Variants in B4GALNT3 observed in about 807,000 individuals in gnomAD.
B4GALNT3 encodes beta-1,4-N-acetyl-galactosaminyltransferase 3.
A neutral mutation model predicts 120.2 loss-of-function variants in B4GALNT3; 86 were observed. That is an observed-to-expected ratio of 0.72 (90% CI 0.60 to 0.86). The LOEUF (loss-of-function observed/expected upper bound fraction) is 0.86. Among genes scored for constraint, B4GALNT3 ranks in the 40% least tolerant of loss-of-function variants. B4GALNT3 has a pLI of 0.00. For missense variants in B4GALNT3, 1,167 were observed against 1,298.9 expected (o/e 0.90, Z 1.56); for synonymous variants, 518 against 510.4 (o/e 1.01, Z -0.20).
In B4GALNT3 at chr12:556,592, C is replaced by T; in HGVS notation, c.2106C>T (p.Asp702=). 1.2e-6 allele frequency: 2 copies of T among 1,614,020 alleles called. No individual in the cohort carries two copies. Among genetic ancestry groups the T allele is most frequent in the Non-Finnish European group, 1.7e-6 (2 of 1,180,008 alleles). ...QRIVNVEKRQ[D]QLRGGRYLLE... The stretch of plus-strand genomic sequence containing the variant: ...TTGTGAACGTGGAAAAGCGTCAGGA[C>T]CAGCTACGTGGGGGTCGCTACCTCC... The change falls in exon 15 of 20, where the codon GAC becomes GAT. Residue 702 remains aspartate, a synonymous_variant. Transcript: ENST00000266383.
rs112784425 is a variant in B4GALNT3 at position 480,825 on chromosome 12, C to T, written c.169+20280C>T. On this transcript the variant is annotated intron_variant, in intron 1 of 19. Coordinates refer to ENST00000266383, the MANE Select transcript of B4GALNT3 (RefSeq NM_173593.4). ...TCTGGGGAGCCTTTGGCGGGAGAGG[C>T]GCAGGGACTTGGGGGCACTTCCCCA... Among the ~76,000 whole-genome samples the T allele has an allele frequency of 5.1e-3, 775 of 152,244 alleles. 7 individuals carry two copies. The highest frequency in any genetic ancestry group is 0.017 in the African/African-American group (723 of 41,536).
chr12:536,117 C>A, intron 2 of B4GALNT3, 101 bp from the exon 3 acceptor site: 1 of 903,128 alleles, frequency 1.1e-6, no homozygotes, highest in Non-Finnish European at 1.8e-6. Context: ...GCAGCGTGCT[C>A]CGAGCCGACG....
chr12:557,497 C>G (rs2120743104), intron 15 of B4GALNT3, 111 bp from the exon 16 acceptor site: 1 of 1,101,210 alleles, frequency 9.1e-7, no homozygotes, highest in East Asian at 2.4e-5. Flanking sequence ...GTCCCCTCAG[C>G]CGAGGTCCGA....
At chr12:546,501 C>T in intron 6 of B4GALNT3, 145 bp from the exon 7 acceptor site, 1 of 764,050 alleles carries the variant, frequency 1.3e-6, no homozygotes, top group South Asian at 1.7e-5. Context: ...TCTGTTTTCT[C>T]TCCTACCTCT....
intron 1 of B4GALNT3, among the ~76,000 whole-genome samples, chr12:523,905 C>CA (rs1946736829): frequency 6.6e-6 from 1 of 151,974 alleles, no homozygotes; most frequent in African/African-American, 2.4e-5. Context: ...ACTAAAAACA[C>CA]AAAAAATTAG....
chr12:543,628 T>C, intron 3 of B4GALNT3, among the ~76,000 whole-genome samples: 1 of 84,244 alleles, frequency 1.2e-5, no homozygotes, highest in South Asian at 4.8e-4. Flanking sequence ...GGGCATGGGG[T>C]GCTCATCTTC....
At chr12:544,508 T>TC in intron 4 of B4GALNT3, 74 bp downstream of exon 4, 1 of 1,323,986 alleles carries the variant, frequency 7.6e-7, no homozygotes, top group African/African-American at 1.4e-5. Context: ...CTCTCATCTT[T>TC]CCTTACATCT....
At chr12:502,575 G>A (rs1946455734) in intron 1 of B4GALNT3, among the ~76,000 whole-genome samples, 1 of 151,966 alleles carries the variant, frequency 6.6e-6, no homozygotes, top group Admixed American at 6.6e-5. Flanking sequence ...AAGATGAAAT[G>A]TTAAGAGAAA....
chr12:463,548 G>C (rs1946045945), intron 1 of B4GALNT3, among the ~76,000 whole-genome samples: 1 of 152,124 alleles, frequency 6.6e-6, no homozygotes, highest in Admixed American at 6.6e-5. Flanking sequence ...AGCATCTACA[G>C]CTTCATTTAG....
intron 1 of B4GALNT3, among the ~76,000 whole-genome samples, chr12:507,876 G>C (rs1946513616): frequency 6.6e-6 from 1 of 151,596 alleles, no homozygotes; most frequent in African/African-American, 2.4e-5. Context: ...TAGTACCTTG[G>C]TGGACACCTG....
intron 1 of B4GALNT3, among the ~76,000 whole-genome samples, chr12:488,247 A>G (rs576211977): frequency 6.6e-6 from 1 of 152,330 alleles, no homozygotes; most frequent in East Asian, 1.9e-4. Flanking sequence ...ACAAAAATTG[A>G]GGGAATTTGT....
At position 519,942 on chromosome 12, in the gene B4GALNT3, A is replaced by G. The variant is rs554915991; in HGVS notation, c.170-15224A>G. On this transcript the variant is annotated intron_variant, in intron 1 of 19. Transcript: ENST00000266383. ...GTCCCTTTCATATTCTCAGCTTTCT[A>G]CCCTCTTGTTATGTCCTCTGTGTAG... Among the ~76,000 whole-genome samples, 10 of 152,004 alleles carry G rather than the reference A, an allele frequency of 6.6e-5. No individual in the cohort carries two copies. In the South Asian group the frequency reaches 1.9e-3, roughly 28 times the overall value.
intron 1 of B4GALNT3, among the ~76,000 whole-genome samples, chr12:512,442 TC>T (rs1592033304): frequency 2.4e-5 from 3 of 123,514 alleles, no homozygotes; most frequent in South Asian, 2.9e-4. Flanking sequence ...CCTTCCATCT[TC>T]CTTCCACCTT....
At chr12:519,034 A>G (rs1946682953) in intron 1 of B4GALNT3, among the ~76,000 whole-genome samples, 1 of 152,178 alleles carries the variant, frequency 6.6e-6, no homozygotes, top group South Asian at 2.1e-4. Context: ...TCGTGCAACC[A>G]TCAGAATTCT....
intron 3 of B4GALNT3, among the ~76,000 whole-genome samples, chr12:539,021 G>A (rs1252338664): frequency 2.0e-5 from 3 of 152,332 alleles, no homozygotes; most frequent in African/African-American, 4.8e-5. Flanking sequence ...TTAGTGCAGG[G>A]CCCTGCTAAA....
chr12:503,970 C>G (rs1946469292), intron 1 of B4GALNT3, among the ~76,000 whole-genome samples: 1 of 152,082 alleles, frequency 6.6e-6, no homozygotes, highest in Non-Finnish European at 1.5e-5. Flanking sequence ...CAAGAATTAG[C>G]TGGGTGTGGT....
At chr12:512,259 T>TCCAC (rs553000023) in intron 1 of B4GALNT3, among the ~76,000 whole-genome samples, 7 of 45,436 alleles carry the variant, frequency 1.5e-4, no homozygotes, top group African/African-American at 3.1e-4. Context: ...TCTTCCACCT[T>TCCAC]CTTCCACCTT....
intron 1 of B4GALNT3, among the ~76,000 whole-genome samples, chr12:494,264 A>G (rs1264732394): frequency 6.7e-6 from 1 of 150,160 alleles, no homozygotes; most frequent in Non-Finnish European, 1.5e-5. Flanking sequence ...GGCAGCAGAC[A>G]GAGTGAGACC....
At chr12:532,265 G>A (rs2120654308) in intron 1 of B4GALNT3, among the ~76,000 whole-genome samples, 1 of 152,226 alleles carries the variant, frequency 6.6e-6, no homozygotes, top group African/African-American at 2.4e-5. Context: ...TGTTACCCAG[G>A]GGCAAGACCT....
Sources: allele counts gnomAD v4.1 joint callset (sites outside exome capture counted in the v4.1 genomes callset), GRCh38; gene constraint gnomAD v4.1.1; transcripts MANE v1.5; gene names NCBI Gene and HGNC (gene_info 2026-07-23, HGNC 2026-07-21).